LHPP: variants seen among roughly 807,000 people sequenced by gnomAD.
LHPP encodes the protein phospholysine phosphohistidine inorganic pyrophosphate phosphatase.
Under a neutral mutation model 30.3 loss-of-function variants are expected in LHPP, and 24 were observed. The observed-to-expected ratio is 0.79, with a 90% CI of 0.57 to 1.11. LHPP has a LOEUF of 1.11. LHPP is among the 50% of genes most tolerant of loss of function. The probability of loss-of-function intolerance (pLI) is 0.00; values close to 1 mark genes in which losing one functional copy is unlikely to be tolerated. For missense variants in LHPP, 356 were observed against 367.2 expected (o/e 0.97, Z 0.25); for synonymous variants, 150 against 157.1 (o/e 0.95, Z 0.34).
In LHPP at chr10:124,591,105, G is replaced by T. The variant is rs115015025; in HGVS notation, c.717-22159G>T. ...TAAGCCGGGGGGAAGGGGGCACCGC[G>T]GGTGGGTGTTAACTGCTGCTTCGGG... On this transcript the variant is annotated intron_variant, in intron 6 of 6. Coordinates refer to ENST00000368842, the MANE Select transcript of LHPP (RefSeq NM_022126.4). Among the ~76,000 whole-genome samples the T allele has an allele frequency of 9.0e-3, 1,375 of 152,332 alleles. 22 individuals carry two copies. The highest frequency in any genetic ancestry group is 0.031 in the African/African-American group (1,277 of 41,572).
chr10:124,484,119 C>G lies in LHPP; in HGVS notation c.126-20C>G, dbSNP rs200266223. On this transcript the variant is annotated intron_variant, in intron 1 of 6. Coordinates refer to ENST00000368842, the MANE Select transcript of LHPP (RefSeq NM_022126.4). ...CACTCCACGTGCTGACTTCCCGGGC[C>G]TGTGTCTCCCCTGCCGCAGACTGAA... 4 of 1,611,220 alleles carry G rather than the reference C, an allele frequency of 2.5e-6. No homozygotes were observed. The Admixed American group carries it at 5.0e-5, about 20-fold the overall frequency.
chr10:124,595,071 C>T (rs1023754538), intron 6 of LHPP, among the ~76,000 whole-genome samples: 2 of 152,226 alleles, frequency 1.3e-5, no homozygotes, highest in African/African-American at 4.8e-5. Context: ...CAGACTAATA[C>T]ACCATGTCAT....
At chr10:124,489,373 A>G (rs1195499367) in intron 3 of LHPP, among the ~76,000 whole-genome samples, 3 of 152,156 alleles carry the variant, frequency 2.0e-5, no homozygotes, top group African/African-American at 7.2e-5. Flanking sequence ...TTTATTGTTC[A>G]CCAAACAATA....
chr10:124,510,494 C>T lies in LHPP; in HGVS notation c.625-6686C>T, dbSNP rs1447397422. On this transcript the variant is annotated intron_variant, in intron 5 of 6. Coordinates refer to ENST00000368842, the MANE Select transcript of LHPP (RefSeq NM_022126.4). This position sits in a 1 kb window ranked among gnomAD's most constrained non-coding sequence, Gnocchi z 4.0. ...CTCGCTTTATCCCGCAGAACCTCCACGCTGTTCCTGCATGAGAACTCTTCC... is the reference window on the plus strand; with the variant it reads ...CTCGCTTTATCCCGCAGAACCTCCATGCTGTTCCTGCATGAGAACTCTTCC... Among the ~76,000 whole-genome samples, 3 of 152,188 alleles carry T rather than the reference C, an allele frequency of 2.0e-5. No individual in the cohort carries two copies. The highest frequency in any genetic ancestry group is 6.5e-5 in the Admixed American group (1 of 15,282).
chr10:124,553,008 G>C (rs17622092), intron 6 of LHPP, among the ~76,000 whole-genome samples: 1 of 152,144 alleles, frequency 6.6e-6, no homozygotes, highest in African/African-American at 2.4e-5. Flanking sequence ...CTGGCCTTCC[G>C]AGCTGATAAT....
intron 6 of LHPP, among the ~76,000 whole-genome samples, chr10:124,520,072 A>T (rs926299328): frequency 1.3e-5 from 2 of 151,942 alleles, no homozygotes; most frequent in Non-Finnish European, 2.9e-5. Flanking sequence ...TGACCCCGTG[A>T]TCTGCCCACC....
At chr10:124,519,378 T>G (rs1416381088) in intron 6 of LHPP, among the ~76,000 whole-genome samples, 1 of 152,220 alleles carries the variant, frequency 6.6e-6, no homozygotes, top group Non-Finnish European at 1.5e-5. Flanking sequence ...TGCAGCCTCC[T>G]TTTTCCTTGA....
intron 6 of LHPP, among the ~76,000 whole-genome samples, chr10:124,580,781 C>A (rs1423613289): frequency 6.8e-6 from 1 of 148,138 alleles, no homozygotes; most frequent in Non-Finnish European, 1.5e-5. Flanking sequence ...TGCAATGGCA[C>A]AATCTTGGCT....
chr10:124,507,892 G>GTGGGGGGGTAGGGAGGATT (rs1954190190), intron 5 of LHPP, among the ~76,000 whole-genome samples: 1 of 121,556 alleles, frequency 8.2e-6, no homozygotes, highest in Non-Finnish European at 1.7e-5. Flanking sequence ...AGGATTTCAG[G>GTGGGGGGGTAGGGAGGATT]TCGGGGGGGT....
rs1391655425 is a variant in LHPP at position 124,461,852 on chromosome 10, G to A, written c.-11G>A. ...GTTGGGACGCGGAGCTGAGGAGCAG[G>A]GCCGGGCGCCATGGCACCGTGGGGC... is the stretch of plus-strand genomic sequence containing the variant. On this transcript the variant is annotated 5_prime_UTR_variant, in exon 1 of 7. Transcript: ENST00000368842. 5 of 1,242,134 alleles carry A rather than the reference G, an allele frequency of 4.0e-6. No homozygotes were observed. Among genetic ancestry groups the A allele is most frequent in the Non-Finnish European group, 5.1e-6 (5 of 989,758 alleles). The allele number at this position is 1,242,134 out of a possible 1,614,324, so 76.9% of individuals were successfully genotyped here. A position where few individuals can be genotyped will look rare whatever the true frequency, so the allele number is the denominator to read the frequency against.
At chr10:124,565,039 TC>T (rs1948466051) in intron 6 of LHPP, among the ~76,000 whole-genome samples, 2 of 152,132 alleles carry the variant, frequency 1.3e-5, no homozygotes, top group Admixed American at 6.5e-5. Context: ...GGTGTCCTTG[TC>T]CAGCAAGCGC....
chr10:124,597,332 A>G (rs1948958472), intron 6 of LHPP, among the ~76,000 whole-genome samples: 1 of 152,160 alleles, frequency 6.6e-6, no homozygotes, highest in Admixed American at 6.5e-5. Flanking sequence ...TGCCTAACAC[A>G]GTGGCATAGA....
intron 5 of LHPP, among the ~76,000 whole-genome samples, chr10:124,504,945 G>A (rs1403712457): frequency 6.6e-6 from 1 of 152,166 alleles, no homozygotes; most frequent in East Asian, 1.9e-4. Flanking sequence ...CACCGTGGCT[G>A]CTTGAGGCTT....
chr10:124,604,196 G>A (rs923584632), intron 6 of LHPP, among the ~76,000 whole-genome samples: 2 of 152,216 alleles, frequency 1.3e-5, no homozygotes, highest in African/African-American at 4.8e-5. Context: ...GAACCCAGGG[G>A]ACGGAGGTCG....
intron 6 of LHPP, among the ~76,000 whole-genome samples, chr10:124,531,584 C>A (rs1473359047): frequency 6.6e-6 from 1 of 152,164 alleles, no homozygotes; most frequent in Admixed American, 6.5e-5. Context: ...TCACAGATTG[C>A]CAGTTTTGAA....
chr10:124,609,626 CCAGGT>C, intron 6 of LHPP, among the ~76,000 whole-genome samples: 1 of 152,304 alleles, frequency 6.6e-6, no homozygotes, highest in Non-Finnish European at 1.5e-5. Context: ...TTAGCCCCAC[CCAGGT>C]CAAGATCTAG....
At position 124,592,656 on chromosome 10, in the gene LHPP, G is replaced by A. The variant is rs1948895735; in HGVS notation, c.717-20608G>A. Reference sequence around the variant, plus strand: ...GGTGGGAGCTGTGGAGCTGCCTCCAGGCCTTCCCGGAGGCCCCATGGCTGT... The same window carrying A: ...GGTGGGAGCTGTGGAGCTGCCTCCAAGCCTTCCCGGAGGCCCCATGGCTGT... On this transcript the variant is annotated intron_variant, in intron 6 of 6. Coordinates refer to ENST00000368842, the MANE Select transcript of LHPP (RefSeq NM_022126.4). The surrounding 1 kb of genome is among the most constrained non-coding windows in gnomAD (Gnocchi z 6.2). Among the ~76,000 whole-genome samples the A allele has an allele frequency of 6.6e-6, 1 of 152,216 alleles. No individual in the cohort carries two copies. The highest frequency in any genetic ancestry group is 2.1e-4 in the South Asian group (1 of 4,834).
At chr10:124,578,544 G>T (rs554737478) in intron 6 of LHPP, among the ~76,000 whole-genome samples, 1 of 152,364 alleles carries the variant, frequency 6.6e-6, no homozygotes, top group South Asian at 2.1e-4. Flanking sequence ...GCTCTGATCA[G>T]GAGGCACAGG....
At position 124,478,222 on chromosome 10, in the gene LHPP, A is replaced by C. The variant is rs1296953038; in HGVS notation, c.126-5917A>C. Among the ~76,000 whole-genome samples, 2 of 152,192 alleles carry C rather than the reference A, an allele frequency of 1.3e-5. No individual in the cohort carries two copies. Among genetic ancestry groups the C allele is most frequent in the African/African-American group, 4.8e-5 (2 of 41,450 alleles). ...CGGAGGATGGGATCTGGCTGGGTGC[A>C]TGGCTGTGGGGCCTCCAGGAGGAAG... On this transcript the variant is annotated intron_variant, in intron 1 of 6. Transcript: ENST00000368842. This position sits in a 1 kb window ranked among gnomAD's most constrained non-coding sequence, Gnocchi z 4.7.
Sources: allele counts gnomAD v4.1 joint callset (sites outside exome capture counted in the v4.1 genomes callset), GRCh38; gene constraint gnomAD v4.1.1; non-coding constraint Gnocchi (gnomAD v3.1); transcripts MANE v1.5; gene names NCBI Gene and HGNC (gene_info 2026-07-23, HGNC 2026-07-21).